PAM: variants seen among roughly 807,000 people sequenced by gnomAD.
PAM encodes the protein peptidyl-glycine alpha-amidating monooxygenase.
A neutral mutation model predicts 122.1 loss-of-function variants in PAM; 72 were observed. The ratio of observed to expected loss-of-function variants is 0.59; its 90% CI spans 0.49 to 0.72. PAM has a LOEUF of 0.72. Ranked by LOEUF, PAM falls within the 30% of genes least tolerant of loss-of-function variation. The pLI is 0.00. For missense variants in PAM, 1,106 were observed against 1,183.7 expected (o/e 0.93, Z 0.96); for synonymous variants, 389 against 404.4 (o/e 0.96, Z 0.46).
Position 102,990,399 on chromosome 5 carries a change from A to C in PAM, c.1611A>C (p.Gly537=), listed in dbSNP as rs1470882991. The C allele has an allele frequency of 6.3e-7, 1 of 1,579,070 alleles. No individual in the cohort carries two copies. The highest frequency in any genetic ancestry group is 8.6e-7 in the Non-Finnish European group (1 of 1,160,112). Residue 537 remains glycine (G), a splice_region_variant and synonymous_variant, in exon 16 of 26, where the codon GGA becomes GGC. Coordinates refer to ENST00000438793, the MANE Select transcript of PAM (RefSeq NM_001177306.2). ...IFHRGDHVWD[G]NSFDSKFVYQ... ...ACAGAGGTGACCATGTCTGGGATGG[A>C]AAGTAAGTAATATTTTTTCTTCAAT...
intron 3 of PAM, among the ~76,000 whole-genome samples, chr5:102,896,763 G>A (rs933568845): frequency 6.6e-6 from 1 of 151,714 alleles, no homozygotes; most frequent in Non-Finnish European, 1.5e-5. Flanking sequence ...AACAAGGATA[G>A]ACTACATATA....
At chr5:102,837,247 C>T (rs532949822) in intron 1 of PAM, among the ~76,000 whole-genome samples, 32 of 152,284 alleles carry the variant, frequency 2.1e-4, no homozygotes, top group Non-Finnish European at 1.6e-4. Context: ...TCATCATCTT[C>T]GTACCACACA....
At chr5:102,980,963 T>C (rs1457753326) in intron 15 of PAM, among the ~76,000 whole-genome samples, 3 of 152,224 alleles carry the variant, frequency 2.0e-5, no homozygotes, top group Non-Finnish European at 4.4e-5. Flanking sequence ...TCTTTACTGT[T>C]TTGAAAATTC....
Position 102,888,763 on chromosome 5 carries a change from G to A in PAM, c.211-12593G>A, listed in dbSNP as rs987586527. Among the ~76,000 whole-genome samples the A allele has an allele frequency of 8.2e-4, 125 of 152,012 alleles. 1 individual carries two copies. Among genetic ancestry groups the A allele is most frequent in the African/African-American group, 2.8e-3 (116 of 41,526 alleles). On this transcript the variant is annotated intron_variant, in intron 3 of 25. Transcript: ENST00000438793. Reference sequence around the variant, plus strand: ...CTTTTCTGAGCCTCTCTGATGCTGAGAGAAGTCTTGGTTACCTCCTTTTGT... The same window carrying A: ...CTTTTCTGAGCCTCTCTGATGCTGAAAGAAGTCTTGGTTACCTCCTTTTGT...
intron 5 of PAM, among the ~76,000 whole-genome samples, chr5:102,919,883 T>C (rs1401716884): frequency 2.0e-5 from 3 of 152,126 alleles, no homozygotes; most frequent in Non-Finnish European, 4.4e-5. Flanking sequence ...CCTTAGAAAT[T>C]GCCCAATTCT....
Position 102,881,133 on chromosome 5 carries a change from C to CACACACACACACACACAT in PAM, c.210+13757_210+13758insTACACACACACACACACA, listed in dbSNP as rs1554098731. ...TTAAAAAATAATTTTTATACATACA[C>CACACACACACACACACAT]ACACACACACACACACACACACAGA... is the stretch of plus-strand genomic sequence containing the variant. On this transcript the variant is annotated intron_variant, in intron 3 of 25. Coordinates refer to ENST00000438793, the MANE Select transcript of PAM (RefSeq NM_001177306.2). Among the ~76,000 whole-genome samples, 1,296 of 150,666 alleles carry CACACACACACACACACAT rather than the reference C, an allele frequency of 8.6e-3. 15 individuals carry two copies. The highest frequency in any genetic ancestry group is 0.028 in the African/African-American group (1,145 of 40,774).
chr5:103,001,004 C>G (rs1175420661), intron 16 of PAM, among the ~76,000 whole-genome samples: 1 of 152,088 alleles, frequency 6.6e-6, no homozygotes, highest in Non-Finnish European at 1.5e-5. Flanking sequence ...AAATACACCA[C>G]ACAATTTGGG....
chr5:102,873,250 A>G (rs1464658398), intron 3 of PAM: 1 of 152,208 alleles, frequency 6.6e-6, no homozygotes, highest in East Asian at 1.9e-4. Flanking sequence ...AATAAAAGGA[A>G]GGGAGACACC....
At chr5:102,775,853 C>A (rs1453329613) in intron 1 of PAM, among the ~76,000 whole-genome samples, 2 of 152,096 alleles carry the variant, frequency 1.3e-5, no homozygotes, top group South Asian at 2.1e-4. Flanking sequence ...TGGGTATATA[C>A]CCAGTAATGG....
chr5:102,874,985 T>G (rs994543202), intron 3 of PAM, among the ~76,000 whole-genome samples: 3 of 152,172 alleles, frequency 2.0e-5, no homozygotes, highest in African/African-American at 7.2e-5. Flanking sequence ...TACTTGAATC[T>G]GAAACCCATG....
At chr5:102,928,781 C>T (rs975096139) in intron 7 of PAM, among the ~76,000 whole-genome samples, 1 of 152,048 alleles carries the variant, frequency 6.6e-6, no homozygotes, top group African/African-American at 2.4e-5. Context: ...TTTTGGAAAG[C>T]ATTTTTACCA....
intron 1 of PAM, among the ~76,000 whole-genome samples, chr5:102,803,479 T>A (rs1765435003): frequency 6.6e-6 from 1 of 152,014 alleles, no homozygotes; most frequent in Non-Finnish European, 1.5e-5. Context: ...GTGGATTCAC[T>A]GTGAGGGAAT....
chr5:102,896,867 A>G (rs1417729564), intron 3 of PAM, among the ~76,000 whole-genome samples: 1 of 151,620 alleles, frequency 6.6e-6, no homozygotes, highest in Admixed American at 6.6e-5. Flanking sequence ...TTTTTGCTTC[A>G]GAAAATCTTT....
chr5:102,844,803 T>A (rs1018758151), intron 1 of PAM, among the ~76,000 whole-genome samples: 2 of 152,208 alleles, frequency 1.3e-5, no homozygotes, highest in Non-Finnish European at 2.9e-5. Flanking sequence ...TAGCAGAGCT[T>A]AGATATAAAC....
At chr5:103,022,577 T>C (rs1468916376) in intron 23 of PAM, among the ~76,000 whole-genome samples, 2 of 152,164 alleles carry the variant, frequency 1.3e-5, no homozygotes, top group African/African-American at 4.8e-5. Flanking sequence ...CAAATATCTA[T>C]AGAGATGCTA....
At position 103,007,559 on chromosome 5, in the gene PAM, G is replaced by A. The variant is rs538941587; in HGVS notation, c.2117G>A (p.Gly706Asp). 6 of 1,613,910 alleles carry A rather than the reference G, an allele frequency of 3.7e-6. No individual in the cohort carries two copies. In the East Asian group the frequency reaches 1.3e-4, roughly 36 times the overall value. Residue 706 changes from glycine (G) to aspartate (D), a missense_variant, in exon 20 of 26, where the codon GGT (glycine) becomes GAT (aspartate). Coordinates refer to ENST00000438793, the MANE Select transcript of PAM (RefSeq NM_001177306.2). ...TTATGTGTGGCAGACCGGGAAAATG[G>A]TCGGATCCAGTGTTTTAAAACTGAC... Reference protein sequence around the residue: ...GQLCVADRENGRIQCFKTDTK... With the variant: ...GQLCVADRENDRIQCFKTDTK...
At chr5:102,949,469 T>C in intron 9 of PAM, 68 bp from the exon 10 acceptor site, 2 of 844,914 alleles carry the variant, frequency 2.4e-6, no homozygotes, top group Middle Eastern at 2.2e-4. Context: ...CTATGCATAA[T>C]TTTAGATAAG....
intron 16 of PAM, among the ~76,000 whole-genome samples, chr5:103,001,751 A>T (rs57740797): frequency 0.034 from 5,212 of 151,992 alleles, 133 homozygotes; most frequent in Admixed American, 0.079. Flanking sequence ...GAGTACTGAG[A>T]CTCTACATAA....
At chr5:102,905,678 A>G (rs1283075103) in intron 4 of PAM, among the ~76,000 whole-genome samples, 1 of 151,622 alleles carries the variant, frequency 6.6e-6, no homozygotes, top group African/African-American at 2.4e-5. Flanking sequence ...AGCAGTAAGT[A>G]GAGGAGAGTA....
Sources: gnomAD v4.1 joint callset for allele counts (sites outside exome capture counted in the v4.1 genomes callset) on GRCh38, gnomAD v4.1.1 for gene constraint, MANE v1.5 for transcripts, NCBI Gene and HGNC (gene_info 2026-07-23, HGNC 2026-07-21) for gene names.